The following ERC1 variants were observed in gnomAD, a reference collection of about 807,000 sequenced individuals.
ERC1 encodes the protein ELKS/RAB6-interacting/CAST family member 1.
Under a neutral mutation model 132.0 loss-of-function variants are expected in ERC1, and 56 were observed. The observed-to-expected ratio is 0.42, with a 90% CI of 0.34 to 0.53. ERC1 has a LOEUF of 0.53. ERC1 is among the 20% of genes least tolerant of loss of function. ERC1 has a pLI of 0.03. For synonymous variants in ERC1, 478 were observed against 476.1 expected, an observed-to-expected ratio of 1.00 and a Z score of -0.05; for missense variants, 1,202 against 1,349.9, an observed-to-expected ratio of 0.89 and a Z score of 1.72.
rs552179328 is a variant in ERC1 at position 1,255,368 on chromosome 12, C to T, written c.2488-7666C>T. Among the ~76,000 whole-genome samples the T allele has an allele frequency of 6.0e-4, 91 of 152,158 alleles. 1 individual carries two copies. Among genetic ancestry groups the T allele is most frequent in the African/African-American group, 2.1e-3 (87 of 41,510 alleles). On this transcript the variant is annotated intron_variant, in intron 13 of 18. Transcript: ENST00000360905. Reference sequence around the variant, plus strand: ...CGCTGATGGACATTTAGGTTGGTTCCAAGTCGTTGCTATTGTGAACCGTGC... The same window carrying T: ...CGCTGATGGACATTTAGGTTGGTTCTAAGTCGTTGCTATTGTGAACCGTGC...
At chr12:1,386,644 T>A (rs1374654844) in intron 16 of ERC1, 3 of 10,190 alleles carry the variant, frequency 2.9e-4, no homozygotes, top group African/African-American at 1.3e-3. Context: ...AGAGCAAGAC[T>A]TCGTCTCAAA....
intron 7 of ERC1, among the ~76,000 whole-genome samples, chr12:1,135,566 G>A (rs947400756): frequency 6.6e-6 from 1 of 152,170 alleles, no homozygotes. Flanking sequence ...GCTATTATTA[G>A]TTAAGGTTTG....
chr12:1,365,430 A>G (rs557699411), intron 15 of ERC1, among the ~76,000 whole-genome samples: 1 of 152,330 alleles, frequency 6.6e-6, no homozygotes, highest in South Asian at 2.1e-4. Flanking sequence ...TGAAGTCAGA[A>G]TCAGAGGTGC....
At chr12:1,084,888 G>C (rs1211293445) in intron 3 of ERC1, among the ~76,000 whole-genome samples, 1 of 152,078 alleles carries the variant, frequency 6.6e-6, no homozygotes, top group East Asian at 1.9e-4. Context: ...ATTTTGTAGA[G>C]ACAGAGTCTC....
At chr12:1,317,657 A>G (rs2081857177) in intron 15 of ERC1, among the ~76,000 whole-genome samples, 1 of 152,228 alleles carries the variant, frequency 6.6e-6, no homozygotes, top group Non-Finnish European at 1.5e-5. Flanking sequence ...TTGGCATTGT[A>G]TTTCAAATGT....
At chr12:1,447,859 A>G (rs996888040) in intron 18 of ERC1, among the ~76,000 whole-genome samples, 2 of 152,116 alleles carry the variant, frequency 1.3e-5, no homozygotes, top group African/African-American at 2.4e-5. Context: ...CATGTTGCCC[A>G]GTCTGGTCTC....
intron 14 of ERC1, among the ~76,000 whole-genome samples, chr12:1,283,874 A>G (rs1475083318): frequency 1.3e-5 from 2 of 152,206 alleles, no homozygotes; most frequent in East Asian, 1.9e-4. Flanking sequence ...TAACTGGGGT[A>G]TCCATCACTT....
chr12:1,407,243 C>T (rs997208507), intron 16 of ERC1, among the ~76,000 whole-genome samples: 3 of 151,844 alleles, frequency 2.0e-5, no homozygotes, highest in African/African-American at 4.8e-5. Flanking sequence ...TTTTAAGACT[C>T]GAATTGTTTA....
At chr12:1,259,520 C>CTTTCTTTTTTTTTTTTT (rs749136473) in intron 13 of ERC1, among the ~76,000 whole-genome samples, 7 of 113,890 alleles carry the variant, frequency 6.1e-5, no homozygotes, top group Non-Finnish European at 7.4e-5. Flanking sequence ...TTCTTTCTTT[C>CTTTCTTTTTTTTTTTTT]TTTTTTTTTT....
At chr12:1,027,678 G>A in intron 1 of ERC1, 70 bp from the exon 2 acceptor site, 1 of 530,730 alleles carries the variant, frequency 1.9e-6, no homozygotes, top group Non-Finnish European at 3.3e-6. Context: ...TTAAGTGGGG[G>A]TAATGGAAAG....
chr12:1,375,463 C>T (rs114118643), intron 16 of ERC1, among the ~76,000 whole-genome samples: 252 of 152,308 alleles, frequency 1.7e-3, no homozygotes, highest in African/African-American at 5.8e-3. Context: ...AATCGTATCA[C>T]GTTCTGTAGA....
At chr12:1,234,701 A>G (rs1276637661) in intron 12 of ERC1, among the ~76,000 whole-genome samples, 1 of 152,184 alleles carries the variant, frequency 6.6e-6, no homozygotes, top group Non-Finnish European at 1.5e-5. Flanking sequence ...CTTTTTGTAA[A>G]GGTATAGTAA....
At chr12:1,480,691 G>A (rs1315091946) in intron 18 of ERC1, among the ~76,000 whole-genome samples, 1 of 126,568 alleles carries the variant, frequency 7.9e-6, no homozygotes, top group Admixed American at 7.1e-5. Flanking sequence ...TAAGCCTAAA[G>A]GGGCCTGCCT....
chr12:1,443,810 G>A (rs887763560), intron 17 of ERC1: 1 of 152,238 alleles, frequency 6.6e-6, no homozygotes, highest in Non-Finnish European at 1.5e-5. Flanking sequence ...AGGAGTAGCT[G>A]TTCAAGCAGG....
At chr12:1,051,527 C>T (rs1971975317) in intron 2 of ERC1, among the ~76,000 whole-genome samples, 2 of 115,460 alleles carry the variant, frequency 1.7e-5, no homozygotes, top group Admixed American at 1.9e-4. Flanking sequence ...TCGTCTCTAC[C>T]CCAAAAAAAA....
intron 16 of ERC1, among the ~76,000 whole-genome samples, chr12:1,393,000 A>G (rs2090108735): frequency 6.6e-6 from 1 of 152,238 alleles, no homozygotes. Context: ...AGAGTATAGG[A>G]GAAAAAAATG....
rs896929763 is a variant in ERC1 at position 1,480,749 on chromosome 12, G to C, written c.3214-9344G>C. The stretch of plus-strand genomic sequence containing the variant: ...AGGTGTGGGAGGGGGTGTGGGTAGT[G>C]GGCAGGGGGTTGAAGAGAGCAAGAA... On this transcript the variant is annotated intron_variant, in intron 18 of 18. Transcript: ENST00000360905. The C allele has an allele frequency of 1.5e-5, 10 of 687,884 alleles. No individual in the cohort carries two copies. In the Admixed American group the frequency reaches 1.8e-4, roughly 12 times the overall value. 42.6% of individuals were successfully genotyped at this position (687,884 alleles called of 1,614,324 possible).
chr12:1,494,050 G>A lies in ERC1; in HGVS notation c.*3820G>A, dbSNP rs1006011436. ...GACCATGTTACTTGAGTGTAGGCCC[G>A]GTGTCAAGACCCTCAGAGTCTTTGA... is the stretch of plus-strand genomic sequence containing the variant. On this transcript the variant is annotated 3_prime_UTR_variant, in exon 19 of 19. Transcript: ENST00000360905. 3 of 231,106 alleles carry A rather than the reference G, an allele frequency of 1.3e-5. No individual in the cohort carries two copies. Among genetic ancestry groups the A allele is most frequent in the East Asian group, 6.1e-5 (1 of 16,420 alleles). The allele number at this position is 231,106 out of a possible 1,614,324, so 14.3% of individuals were successfully genotyped here. A position where few individuals can be genotyped will look rare whatever the true frequency, so the allele number is the denominator to read the frequency against.
At chr12:1,417,588 G>A (rs544539131) in intron 17 of ERC1, among the ~76,000 whole-genome samples, 13 of 152,068 alleles carry the variant, frequency 8.5e-5, no homozygotes, top group South Asian at 8.3e-4. Context: ...TGAGAGCAGC[G>A]TGGCCAACAT....
Sources: gnomAD v4.1 joint callset for allele counts (sites outside exome capture counted in the v4.1 genomes callset) on GRCh38, gnomAD v4.1.1 for gene constraint, MANE v1.5 for transcripts, NCBI Gene and HGNC (gene_info 2026-07-23, HGNC 2026-07-21) for gene names.